EHMT1: variants seen among roughly 807,000 people sequenced by gnomAD.
EHMT1 encodes euchromatic histone lysine methyltransferase 1.
EHMT1 carries 15 observed loss-of-function variants against 147.2 expected under a neutral mutation model. The observed-to-expected ratio is 0.10, with a 90% CI of 0.07 to 0.16. The LOEUF is 0.16. EHMT1 is among the 10% of genes least tolerant of loss of function. The probability of loss-of-function intolerance (pLI) is 1.00; values close to 1 mark genes in which losing one functional copy is unlikely to be tolerated. For synonymous variants in EHMT1, 795 were observed against 709.6 expected (o/e 1.12, Z -1.91); for missense variants, 1,587 against 1,772.4 (o/e 0.90, Z 1.88).
intron 1 of EHMT1, among the ~76,000 whole-genome samples, chr9:137,640,011 C>T (rs899886933): frequency 3.3e-5 from 5 of 151,942 alleles, no homozygotes; most frequent in African/African-American, 9.7e-5. Context: ...CTTGGCTCAC[C>T]GTAACCTCTG....
At position 137,817,493 on chromosome 9, in the gene EHMT1, G is replaced by T. The variant is rs1431092147; in HGVS notation, c.3429G>T (p.Leu1143=). 2 of 1,614,216 alleles carry T rather than the reference G, an allele frequency of 1.2e-6. No homozygotes were observed. Among genetic ancestry groups the T allele is most frequent in the South Asian group, 1.1e-5 (1 of 91,090 alleles). Residue 1143 remains leucine, a synonymous_variant, in exon 24 of 27, where the codon CTG becomes CTT. Transcript: ENST00000460843. ...ACATGGGCTGGGGCGTGCGGTCCCT[G>T]CAGGACATCCCACCAGGCACCTTTG... is the stretch of plus-strand genomic sequence containing the variant. ...TRDMGWGVRS[L]QDIPPGTFVC... is the part of the protein sequence containing the mutation.
intron 6 of EHMT1, among the ~76,000 whole-genome samples, chr9:137,749,438 AT>A (rs945843879): frequency 5.0e-4 from 74 of 148,986 alleles, no homozygotes; most frequent in South Asian, 1.9e-3. Context: ...TGTCCAGCTA[AT>A]TTTTTTTTTT....
At chr9:137,814,566 CA>C (rs1289151298) in intron 22 of EHMT1, 58 bp downstream of exon 22, 2 of 1,573,762 alleles carry the variant, frequency 1.3e-6, no homozygotes, top group Non-Finnish European at 8.6e-7. Context: ...TCCGGGTCTG[CA>C]AAAACAGTGC....
chr9:137,619,305 G>A (rs1302806379), intron 1 of EHMT1, among the ~76,000 whole-genome samples: 2 of 149,316 alleles, frequency 1.3e-5, no homozygotes, highest in African/African-American at 2.4e-5. Context: ...GGAGCGGGCG[G>A]GGGCGCAGGT....
At chr9:137,639,711 C>T (rs1844345072) in intron 1 of EHMT1, among the ~76,000 whole-genome samples, 1 of 152,174 alleles carries the variant, frequency 6.6e-6, no homozygotes, top group South Asian at 2.1e-4. Context: ...AGGGATGTCT[C>T]TTACAGTCCT....
intron 18 of EHMT1, among the ~76,000 whole-genome samples, chr9:137,810,505 C>T (rs2137646209): frequency 6.6e-6 from 1 of 152,304 alleles, no homozygotes; most frequent in South Asian, 2.1e-4. Context: ...CAGAGTTGAA[C>T]ATTTTCTTAT....
At chr9:137,706,046 G>T (rs960036736) in intron 1 of EHMT1, among the ~76,000 whole-genome samples, 1 of 152,044 alleles carries the variant, frequency 6.6e-6, no homozygotes, top group Non-Finnish European at 1.5e-5. Context: ...CTTGTGCGTT[G>T]GGGGGTTGGG....
intron 3 of EHMT1, 198 bp downstream of exon 3, chr9:137,717,380 A>G (rs1588332253): frequency 1.4e-6 from 1 of 740,208 alleles, no homozygotes; most frequent in Non-Finnish European, 2.3e-6. Flanking sequence ...AGGCGGGTGG[A>G]TTGCTTGAGC....
At chr9:137,713,811 G>A (rs1213988287) in intron 2 of EHMT1, among the ~76,000 whole-genome samples, 1 of 151,882 alleles carries the variant, frequency 6.6e-6, no homozygotes, top group African/African-American at 2.4e-5. Context: ...TTAGCGGGAT[G>A]TGGTGGCTCG....
rs1947091734 is a variant in EHMT1 at position 137,731,332 on chromosome 9, C to T, written c.823+2803C>T. Among the ~76,000 whole-genome samples the T allele has an allele frequency of 6.6e-6, 1 of 152,168 alleles. No homozygotes were observed. The highest frequency in any genetic ancestry group is 1.5e-5 in the Non-Finnish European group (1 of 68,032). ...CAGCTGCTCCCGTGTGTTGTCACCC[C>T]AGGGCTTCCGGAGTGGGCACAGAAG... On this transcript the variant is annotated intron_variant, in intron 4 of 26. Transcript: ENST00000460843. The surrounding 1 kb of genome is among the most constrained non-coding windows in gnomAD (Gnocchi z 4.3).
chr9:137,643,969 G>A (rs967396161), intron 1 of EHMT1, among the ~76,000 whole-genome samples: 1 of 152,194 alleles, frequency 6.6e-6, no homozygotes, highest in Non-Finnish European at 1.5e-5. Context: ...GTGTCATTGC[G>A]TGGTAAACAG....
At chr9:137,629,314 A>G (rs769491667) in intron 1 of EHMT1, among the ~76,000 whole-genome samples, 16 of 148,420 alleles carry the variant, frequency 1.1e-4, no homozygotes, top group Non-Finnish European at 2.2e-4. Context: ...CTGGTCTCAA[A>G]CTCGTGACCT....
At position 137,732,266 on chromosome 9, in the gene EHMT1, G is replaced by T. The variant is rs886165235; in HGVS notation, c.823+3737G>T. Among the ~76,000 whole-genome samples, 3 of 152,240 alleles carry T rather than the reference G, an allele frequency of 2.0e-5. No homozygotes were observed. Among genetic ancestry groups the T allele is most frequent in the African/African-American group, 4.8e-5 (2 of 41,468 alleles). On this transcript the variant is annotated intron_variant, in intron 4 of 26. Transcript: ENST00000460843. This position sits in a 1 kb window ranked among gnomAD's most constrained non-coding sequence, Gnocchi z 4.6. ...AGAAGGATCACCGCTCTTCACTCCC[G>T]CAGTTCAGCGAACGGGAGCGTGTCA...
chr9:137,721,027 G>A (rs559980558), intron 3 of EHMT1, among the ~76,000 whole-genome samples: 3 of 147,832 alleles, frequency 2.0e-5, no homozygotes, highest in African/African-American at 4.9e-5. Flanking sequence ...CCTCGCCAGC[G>A]TTAGCTCTTA....
intron 17 of EHMT1, 33 bp downstream of exon 17, chr9:137,798,947 G>A: frequency 6.6e-7 from 1 of 1,525,450 alleles, no homozygotes; most frequent in Non-Finnish European, 9.1e-7. Context: ...GCAGTACACT[G>A]TGTGGACTGG....
At chr9:137,648,491 C>CAA (rs397720797) in intron 1 of EHMT1, among the ~76,000 whole-genome samples, 1,368 of 93,758 alleles carry the variant, frequency 0.015, 48 homozygotes, top group African/African-American at 0.049. Flanking sequence ...TCCTTCTCTC[C>CAA]AAAAAAAAAA....
At chr9:137,655,322 CT>C (rs1188738289) in intron 1 of EHMT1, among the ~76,000 whole-genome samples, 7 of 152,098 alleles carry the variant, frequency 4.6e-5, no homozygotes, top group Non-Finnish European at 7.4e-5. Flanking sequence ...TGGCCGTTAA[CT>C]ATTTTCAGGC....
chr9:137,622,712 TG>T (rs988226731), intron 1 of EHMT1, among the ~76,000 whole-genome samples: 6 of 152,096 alleles, frequency 3.9e-5, no homozygotes, highest in African/African-American at 1.4e-4. Flanking sequence ...GAGACTAGCC[TG>T]GGCAACAGAG....
chr9:137,632,821 G>C (rs1843719502), intron 1 of EHMT1, among the ~76,000 whole-genome samples: 1 of 152,222 alleles, frequency 6.6e-6, no homozygotes, highest in Non-Finnish European at 1.5e-5. Context: ...ACACGGGGCA[G>C]GTTGCTAACC....
Sources: gnomAD v4.1 joint callset for allele counts (sites outside exome capture counted in the v4.1 genomes callset) on GRCh38, gnomAD v4.1.1 for gene constraint, Gnocchi (gnomAD v3.1) non-coding constraint, MANE v1.5 for transcripts, NCBI Gene and HGNC (gene_info 2026-07-23, HGNC 2026-07-21) for gene names.